Variants in GPHN observed in about 807,000 individuals in gnomAD.
GPHN encodes gephyrin.
GPHN carries 17 observed loss-of-function variants against 95.5 expected under a neutral mutation model. The observed-to-expected ratio is 0.18, with a 90% CI of 0.12 to 0.27. GPHN has a LOEUF of 0.27. Among genes scored for constraint, GPHN ranks in the 10% least tolerant of loss-of-function variants. GPHN has a pLI of 1.00. For synonymous variants in GPHN, 320 were observed against 322.5 expected (o/e 0.99, Z 0.08); for missense variants, 660 against 978.1 (o/e 0.67, Z 4.34).
chr14:66,709,788 T>C (rs776999390), intron 2 of GPHN, among the ~76,000 whole-genome samples: 1 of 152,092 alleles, frequency 6.6e-6, no homozygotes, highest in African/African-American at 2.4e-5. Context: ...TTATAAGATA[T>C]ACATCCAAAA....
intron 8 of GPHN, among the ~76,000 whole-genome samples, chr14:66,957,697 G>C (rs1194316018): frequency 6.6e-6 from 1 of 152,036 alleles, no homozygotes; most frequent in African/African-American, 2.4e-5. Context: ...AGGTCTAGTT[G>C]GTTTATAGTG....
chr14:66,748,847 T>C (rs984007268), intron 2 of GPHN, among the ~76,000 whole-genome samples: 1 of 151,962 alleles, frequency 6.6e-6, no homozygotes, highest in South Asian at 2.1e-4. Context: ...AAAGCAAAGA[T>C]GTCAAGTGTG....
the GPHN span, among the ~76,000 whole-genome samples, chr14:67,496,743 T>C: frequency 6.9e-6 from 1 of 145,022 alleles, no homozygotes; most frequent in Non-Finnish European, 1.5e-5. Flanking sequence ...TCTCTCTTTC[T>C]TTCCTTCCTT....
chr14:67,388,236 C>T, the GPHN span: 1 of 1,612,236 alleles, frequency 6.2e-7, no homozygotes, highest in Admixed American at 1.7e-5. Flanking sequence ...GTGGGAACGC[C>T]ATTATCTTCC....
At chr14:67,162,801 T>C (rs1473851335) in intron 19 of GPHN, among the ~76,000 whole-genome samples, 2 of 152,196 alleles carry the variant, frequency 1.3e-5, no homozygotes, top group African/African-American at 2.4e-5. Flanking sequence ...ATAACCATCC[T>C]GTGAGATCTT....
intron 5 of GPHN, among the ~76,000 whole-genome samples, chr14:66,884,296 C>T (rs572793614): frequency 6.6e-6 from 1 of 152,130 alleles, no homozygotes; most frequent in South Asian, 2.1e-4. Context: ...CCCAAATCTG[C>T]CTGCTATTAT....
At chr14:66,881,358 G>A (rs1273040907) in intron 5 of GPHN, among the ~76,000 whole-genome samples, 1 of 151,612 alleles carries the variant, frequency 6.6e-6, no homozygotes, top group East Asian at 1.9e-4. Context: ...TGAGGTCAGG[G>A]GATCCCGTTT....
the GPHN span, chr14:67,302,605 C>T: frequency 2.1e-6 from 3 of 1,398,268 alleles, no homozygotes; most frequent in African/African-American, 1.5e-5. Flanking sequence ...TAATTGATAG[C>T]TTTTAGAAAG....
the GPHN span, chr14:67,729,941 C>T: frequency 7.5e-6 from 3 of 402,332 alleles, no homozygotes; most frequent in Admixed American, 5.9e-5. Context: ...ATGACAGAAT[C>T]CAGCCCTGTC....
At chr14:66,870,016 A>G (rs1210280839) in intron 4 of GPHN, among the ~76,000 whole-genome samples, 1 of 152,222 alleles carries the variant, frequency 6.6e-6, no homozygotes, top group East Asian at 1.9e-4. Flanking sequence ...AAATAGATCC[A>G]GCTCCTATTG....
the GPHN span, among the ~76,000 whole-genome samples, chr14:67,231,968 T>TC: frequency 3.6e-5 from 5 of 140,056 alleles, no homozygotes; most frequent in South Asian, 1.2e-3. Context: ...GACTGTGTCT[T>TC]TAAAAAAAAA....
chr14:67,031,678 C>A (rs2074204252), intron 10 of GPHN, among the ~76,000 whole-genome samples: 1 of 152,154 alleles, frequency 6.6e-6, no homozygotes, highest in Non-Finnish European at 1.5e-5. Flanking sequence ...CTCCTGGGCT[C>A]AAGCAATCCT....
intron 2 of GPHN, among the ~76,000 whole-genome samples, chr14:66,772,759 A>T (rs1326043641): frequency 6.6e-6 from 1 of 152,202 alleles, no homozygotes; most frequent in Non-Finnish European, 1.5e-5. Context: ...AAAATCAAAG[A>T]ATTTTTAGAA....
the GPHN span, among the ~76,000 whole-genome samples, chr14:67,672,447 C>CTTTT: frequency 1.2e-4 from 14 of 116,824 alleles, no homozygotes; most frequent in East Asian, 2.8e-4. Flanking sequence ...CTTTTCTTTT[C>CTTTT]TTTTTTTTTT....
At chr14:67,425,224 C>T in the GPHN span, among the ~76,000 whole-genome samples, 1 of 152,188 alleles carries the variant, frequency 6.6e-6, no homozygotes, top group Non-Finnish European at 1.5e-5. Context: ...GCTAGGACTA[C>T]AGGCACACAC....
At chr14:66,688,175 ATATT>A (rs1432018483) in intron 2 of GPHN, among the ~76,000 whole-genome samples, 2 of 152,218 alleles carry the variant, frequency 1.3e-5, no homozygotes, top group African/African-American at 4.8e-5. Context: ...AAAAAGAAAA[ATATT>A]TACTATTCAC....
chr14:66,606,918 T>G (rs1470570324), intron 1 of GPHN, among the ~76,000 whole-genome samples: 1 of 152,178 alleles, frequency 6.6e-6, no homozygotes, highest in Non-Finnish European at 1.5e-5. Context: ...CTTTCCTATT[T>G]GAATGTATTT....
At chr14:67,578,323 C>A in the GPHN span, 1 of 851,374 alleles carries the variant, frequency 1.2e-6, no homozygotes, top group Non-Finnish European at 1.9e-6. This position sits in a 1 kb window ranked among gnomAD's most constrained non-coding sequence, Gnocchi z 5.0. Flanking sequence ...CCTCTGTGCT[C>A]CAAGCTGCAT....
At chr14:67,033,008 C>G (rs761291874) in intron 10 of GPHN, among the ~76,000 whole-genome samples, 1 of 151,962 alleles carries the variant, frequency 6.6e-6, no homozygotes, top group East Asian at 1.9e-4. Context: ...AGAGAGAACA[C>G]AAATGGACAA....
Sources: allele counts gnomAD v4.1 joint callset (sites outside exome capture counted in the v4.1 genomes callset), GRCh38; gene constraint gnomAD v4.1.1; non-coding constraint Gnocchi (gnomAD v3.1); transcripts MANE v1.5; gene names NCBI Gene and HGNC (gene_info 2026-07-23, HGNC 2026-07-21).